FMN1: variants seen among roughly 807,000 people sequenced by gnomAD.
FMN1 encodes formin-1.
FMN1 carries 110 observed loss-of-function variants against 132.4 expected under a neutral mutation model. That is an observed-to-expected ratio of 0.83 (90% CI 0.71 to 0.97). The LOEUF (loss-of-function observed/expected upper bound fraction) is 0.97, where lower values mean the gene tolerates loss of function less well. Among genes scored for constraint, FMN1 ranks in the 50% least tolerant of loss-of-function variants. The probability of loss-of-function intolerance (pLI) is 0.00; values close to 1 mark genes in which losing one functional copy is unlikely to be tolerated. For synonymous variants in FMN1, 722 were observed against 651.7 expected (o/e 1.11, Z -1.64); for missense variants, 1,792 against 1,705.3 (o/e 1.05, Z -0.90).
chr15:32,942,888 T>A (rs575196411), intron 9 of FMN1, among the ~76,000 whole-genome samples: 1 of 152,284 alleles, frequency 6.6e-6, no homozygotes, highest in East Asian at 1.9e-4. Flanking sequence ...CCTGTCTGAA[T>A]CAACTATTTC....
chr15:33,056,901 G>A (rs906486608), intron 6 of FMN1, among the ~76,000 whole-genome samples: 3 of 152,214 alleles, frequency 2.0e-5, no homozygotes, highest in Non-Finnish European at 4.4e-5. Flanking sequence ...ACTAGGCCGG[G>A]CACAGTGGCT....
At chr15:33,042,819 G>A (rs928012660) in intron 6 of FMN1, among the ~76,000 whole-genome samples, 5 of 150,974 alleles carry the variant, frequency 3.3e-5, no homozygotes, top group African/African-American at 9.8e-5. Flanking sequence ...GGCACAAAAG[G>A]GAATTAATTT....
intron 6 of FMN1, chr15:33,013,113 A>G (rs2034826631): frequency 2.4e-6 from 1 of 410,610 alleles, no homozygotes; most frequent in Non-Finnish European, 4.8e-6. Context: ...GAGCCAGAGA[A>G]GTGACAGGGA....
At chr15:33,034,269 G>A (rs1216835108) in intron 6 of FMN1, among the ~76,000 whole-genome samples, 1 of 152,038 alleles carries the variant, frequency 6.6e-6, no homozygotes, top group Non-Finnish European at 1.5e-5. Flanking sequence ...ATCTTCTCCA[G>A]TCCATGGCAA....
chr15:32,877,689 C>A (rs553940785), intron 16 of FMN1, among the ~76,000 whole-genome samples: 62 of 152,284 alleles, frequency 4.1e-4, no homozygotes, highest in Admixed American at 1.2e-3. Context: ...GGTGAGGAAC[C>A]CACTACTGCT....
At chr15:32,976,304 A>T (rs1376004913) in intron 7 of FMN1, among the ~76,000 whole-genome samples, 1 of 152,100 alleles carries the variant, frequency 6.6e-6, no homozygotes, top group Non-Finnish European at 1.5e-5. Flanking sequence ...AAGGAAAGTG[A>T]GGCTTGTGAG....
intron 4 of FMN1, among the ~76,000 whole-genome samples, chr15:33,128,099 CAGA>C (rs971342459): frequency 4.1e-4 from 62 of 151,852 alleles, no homozygotes; most frequent in Admixed American, 2.8e-3. Flanking sequence ...AGAATGAGGC[CAGA>C]AGAAGGGAGA....
At chr15:33,003,831 G>A (rs1301800342) in intron 7 of FMN1, among the ~76,000 whole-genome samples, 1 of 152,144 alleles carries the variant, frequency 6.6e-6, no homozygotes, top group African/African-American at 2.4e-5. Context: ...GCATGGTTCT[G>A]GTACCAAAAC....
intron 4 of FMN1, among the ~76,000 whole-genome samples, chr15:33,097,517 GA>G (rs1013813383): frequency 6.6e-6 from 1 of 152,014 alleles, no homozygotes; most frequent in African/African-American, 2.4e-5. Flanking sequence ...AGTGGACAAG[GA>G]AAAAATATTA....
chr15:32,967,827 A>T (rs979432674), intron 8 of FMN1, among the ~76,000 whole-genome samples: 6 of 152,220 alleles, frequency 3.9e-5, no homozygotes, highest in Non-Finnish European at 7.3e-5. Context: ...GTGTTATATA[A>T]ATTGAAGAAT....
chr15:33,012,290 G>T, intron 6 of FMN1: 1 of 748,054 alleles, frequency 1.3e-6, no homozygotes, highest in Non-Finnish European at 2.4e-6. Context: ...CAGAGGCTTT[G>T]GGTTTGTCTC....
At chr15:33,044,977 G>C (rs934740393) in intron 6 of FMN1, among the ~76,000 whole-genome samples, 1 of 152,204 alleles carries the variant, frequency 6.6e-6, no homozygotes, top group Admixed American at 6.5e-5. Context: ...CATGCCCCTT[G>C]CTTGCCACAT....
chr15:33,060,124 T>TCA (rs1430254682), intron 6 of FMN1, among the ~76,000 whole-genome samples: 1 of 152,134 alleles, frequency 6.6e-6, no homozygotes, highest in East Asian at 1.9e-4. Context: ...CACAATCCAA[T>TCA]CAACTCCATG....
intron 6 of FMN1, among the ~76,000 whole-genome samples, chr15:33,034,319 C>T (rs535071200): frequency 1.3e-5 from 2 of 152,138 alleles, no homozygotes; most frequent in African/African-American, 4.8e-5. Context: ...CCCTGACGTC[C>T]CAGCACTTTG....
intron 6 of FMN1, among the ~76,000 whole-genome samples, chr15:33,024,223 ATT>A (rs555760509): frequency 4.5e-4 from 40 of 87,968 alleles, no homozygotes; most frequent in African/African-American, 8.3e-4. Context: ...CACCTATCAG[ATT>A]TTTTTTTTTT....
At chr15:33,098,503 G>C (rs983333863) in intron 4 of FMN1, among the ~76,000 whole-genome samples, 1 of 152,178 alleles carries the variant, frequency 6.6e-6, no homozygotes, top group African/African-American at 2.4e-5. Context: ...AGAACTGGGA[G>C]ACAATGACAC....
At chr15:33,109,384 G>C (rs187192284) in intron 4 of FMN1, among the ~76,000 whole-genome samples, 1 of 151,948 alleles carries the variant, frequency 6.6e-6, no homozygotes, top group South Asian at 2.1e-4. Context: ...TAAAAGAATT[G>C]CAAGCCAAAT....
At chr15:32,839,649 T>C (rs535685884) in intron 17 of FMN1, among the ~76,000 whole-genome samples, 1 of 152,178 alleles carries the variant, frequency 6.6e-6, no homozygotes, top group South Asian at 2.1e-4. Flanking sequence ...ATTTATACTC[T>C]TGACAGACTG....
chr15:32,804,113 G>C (rs1387270904), intron 18 of FMN1, among the ~76,000 whole-genome samples, 168 bp downstream of exon 18: 1 of 152,112 alleles, frequency 6.6e-6, no homozygotes, highest in African/African-American at 2.4e-5. Context: ...CCTAGGGACA[G>C]GGGAGTGGGG....
Sources: allele counts gnomAD v4.1 joint callset (sites outside exome capture counted in the v4.1 genomes callset), GRCh38; gene constraint gnomAD v4.1.1; transcripts MANE v1.5; gene names NCBI Gene and HGNC (gene_info 2026-07-23, HGNC 2026-07-21).